CDH11: variants seen among roughly 807,000 people sequenced by gnomAD.
CDH11 encodes the protein cadherin 11.
CDH11 carries 11 observed loss-of-function variants against 67.8 expected under a neutral mutation model. That is an observed-to-expected ratio of 0.16 (90% confidence interval 0.10 to 0.27). The LOEUF is 0.27. Among genes scored for constraint, CDH11 ranks in the 10% least tolerant of loss-of-function variants. The pLI is 1.00. For missense variants in CDH11, 847 were observed against 1,031.2 expected (o/e 0.82, Z 2.45); for synonymous variants, 419 against 400.0 (o/e 1.05, Z -0.57).
chr16:64,979,761 A>T (rs554773238), intron 8 of CDH11, among the ~76,000 whole-genome samples: 1 of 152,314 alleles, frequency 6.6e-6, no homozygotes, highest in South Asian at 2.1e-4. Context: ...AGGCTAAGAC[A>T]TGTCCAGGAA....
chr16:64,953,108 T>G (rs1188709877), intron 11 of CDH11, among the ~76,000 whole-genome samples: 2 of 152,134 alleles, frequency 1.3e-5, no homozygotes, highest in African/African-American at 4.8e-5. Context: ...GTTTCAAATT[T>G]TGTATTATTT....
chr16:64,990,486 T>C (rs922602087), intron 6 of CDH11, among the ~76,000 whole-genome samples: 3 of 151,974 alleles, frequency 2.0e-5, no homozygotes, highest in Non-Finnish European at 4.4e-5. Context: ...ACTTTCATGA[T>C]GAACCCCCCC....
intron 2 of CDH11, among the ~76,000 whole-genome samples, chr16:65,005,646 T>C (rs943691818): frequency 2.6e-5 from 4 of 152,122 alleles, no homozygotes; most frequent in African/African-American, 9.7e-5. Flanking sequence ...CTGAAATATT[T>C]ACAGGAGAAA....
chr16:65,032,671 C>T lies in CDH11; in HGVS notation c.-173+21133G>A, dbSNP rs551320358. ...GACTCATTATATAACAGAGGTAGTG[C>T]CTTTGCAAAAAAAGAAAATTAATTT... On this transcript the variant is annotated intron_variant, in intron 2 of 12. Coordinates refer to ENST00000268603, the MANE Select transcript of CDH11 (RefSeq NM_001797.4). Among the ~76,000 whole-genome samples, 13 of 152,174 alleles carry T rather than the reference C, an allele frequency of 8.5e-5. No homozygotes were observed. In the South Asian group the frequency reaches 2.3e-3, roughly 27 times the overall value.
intron 8 of CDH11, among the ~76,000 whole-genome samples, chr16:64,973,393 G>A (rs997573021): frequency 6.6e-6 from 1 of 152,158 alleles, no homozygotes; most frequent in Admixed American, 6.5e-5. Context: ...AAACTACTCA[G>A]AAAGTCACAA....
At chr16:64,980,107 T>C (rs1335520370) in intron 8 of CDH11, among the ~76,000 whole-genome samples, 3 of 152,056 alleles carry the variant, frequency 2.0e-5, no homozygotes, top group Non-Finnish European at 2.9e-5. Flanking sequence ...AGGATTTCTT[T>C]TGTGGGGGGG....
chr16:65,084,471 AAAG>A (rs1025986991), intron 1 of CDH11, among the ~76,000 whole-genome samples: 3 of 151,638 alleles, frequency 2.0e-5, no homozygotes, highest in South Asian at 2.1e-4. Flanking sequence ...AGAAAAAGAA[AAAG>A]AAGAAGAAGC....
At chr16:64,966,868 T>C (rs1279506453) in intron 11 of CDH11, among the ~76,000 whole-genome samples, 2 of 152,146 alleles carry the variant, frequency 1.3e-5, no homozygotes, top group Non-Finnish European at 2.9e-5. Context: ...GTGAATAGCA[T>C]TAATAGATGA....
intron 12 of CDH11, among the ~76,000 whole-genome samples, chr16:64,950,154 C>A (rs754642701): frequency 6.6e-6 from 1 of 152,090 alleles, no homozygotes. Context: ...ACAGAATAAA[C>A]CACAGGTAAG....
intron 1 of CDH11, among the ~76,000 whole-genome samples, chr16:65,054,273 T>C (rs2074107862): frequency 1.3e-5 from 2 of 152,194 alleles, no homozygotes; most frequent in Admixed American, 1.3e-4. Context: ...TATGAAAACT[T>C]AGAGCCCATT....
chr16:64,971,682 A>G lies in CDH11; in HGVS notation c.1539T>C (p.Ile513=), dbSNP rs879128241. The change falls in exon 11 of 13, where the codon ATT becomes ATC. Residue 513 remains isoleucine (I), a synonymous_variant. Transcript: ENST00000268603. The stretch of plus-strand genomic sequence containing the variant: ...CCGTGTCATCCTTGTCATCTGCACT[A>G]ATTGTAACAATTGGCTGAAAGAGAA... ...KPLSNQPIVT[I]SADDKDDTAN... is the part of the protein sequence containing the mutation. The G allele has an allele frequency of 1.9e-6, 3 of 1,607,284 alleles. No homozygotes were observed. Among genetic ancestry groups the G allele is most frequent in the South Asian group, 2.2e-5 (2 of 90,708 alleles).
intron 1 of CDH11, among the ~76,000 whole-genome samples, chr16:65,103,272 T>G (rs559112675): frequency 6.6e-6 from 1 of 152,310 alleles, no homozygotes; most frequent in Non-Finnish European, 1.5e-5. Context: ...AAATATATGT[T>G]TTAAACAATT....
chr16:65,020,533 G>T (rs2073402480), intron 2 of CDH11, among the ~76,000 whole-genome samples: 1 of 152,092 alleles, frequency 6.6e-6, no homozygotes, highest in South Asian at 2.1e-4. Context: ...GTTTCACCAT[G>T]TTGGCCAGGC....
chr16:65,014,229 G>A (rs2073246069), intron 2 of CDH11, among the ~76,000 whole-genome samples: 1 of 152,202 alleles, frequency 6.6e-6, no homozygotes, highest in African/African-American at 2.4e-5. Context: ...TATGTGAGGA[G>A]ATGAGATAAA....
intron 2 of CDH11, among the ~76,000 whole-genome samples, chr16:65,009,605 T>C (rs1004495787): frequency 6.6e-6 from 1 of 152,126 alleles, no homozygotes; most frequent in Non-Finnish European, 1.5e-5. Flanking sequence ...ACCTTGATGT[T>C]GGTAATAATT....
At position 64,947,531 on chromosome 16, in the gene CDH11, C is replaced by A. The variant is rs551118289; in HGVS notation, c.*72G>T. On this transcript the variant is annotated 3_prime_UTR_variant, in exon 13 of 13. Transcript: ENST00000268603. ...AGCCTTTCCTTGATTTAAAAAAATA[C>A]CTGTTTACACATCTTCTAGATTCTT... 1 of 1,521,766 alleles carries A rather than the reference C, an allele frequency of 6.6e-7. No individual in the cohort carries two copies. Among genetic ancestry groups the A allele is most frequent in the Admixed American group, 2.2e-5 (1 of 45,022 alleles). The allele number at this position is 1,521,766 out of a possible 1,614,324, so 94.3% of individuals were successfully genotyped here.
chr16:64,944,122 A>G lies in CDH11; in HGVS notation c.*3481T>C, dbSNP rs962567785. 4.3e-5 allele frequency: 10 copies of G among 232,750 alleles called. No individual in the cohort carries two copies. Among genetic ancestry groups the G allele is most frequent in the African/African-American group, 2.0e-4 (9 of 45,320 alleles). 14.4% of individuals were successfully genotyped at this position (232,750 alleles called of 1,614,324 possible). A position where few individuals can be genotyped will look rare whatever the true frequency, so the allele number is the denominator to read the frequency against. ...CCCTGTTCATGTAAAGCAATAAAAT[A>G]AAGGCATCAGAATTCATTTTAAGTC... On this transcript the variant is annotated 3_prime_UTR_variant, in exon 13 of 13. Transcript: ENST00000268603.
At chr16:65,017,995 AAAGT>A (rs1185596106) in intron 2 of CDH11, among the ~76,000 whole-genome samples, 5 of 152,228 alleles carry the variant, frequency 3.3e-5, no homozygotes, top group Non-Finnish European at 7.3e-5. Flanking sequence ...TTTTCTATAT[AAAGT>A]GCAGAAAGAA....
At chr16:64,967,342 C>T (rs565155906) in intron 11 of CDH11, among the ~76,000 whole-genome samples, 16 of 152,136 alleles carry the variant, frequency 1.1e-4, no homozygotes, top group Admixed American at 7.2e-4. Context: ...CTCAGCCTCC[C>T]GAGTAGCTGG....
Sources: gnomAD v4.1 joint callset for allele counts (sites outside exome capture counted in the v4.1 genomes callset) on GRCh38, gnomAD v4.1.1 for gene constraint, MANE v1.5 for transcripts, NCBI Gene and HGNC (gene_info 2026-07-23, HGNC 2026-07-21) for gene names.